Variants in DNAH11 observed in about 807,000 individuals in gnomAD.
The protein encoded by DNAH11 is dynein axonemal heavy chain 11.
A neutral mutation model predicts 526.0 loss-of-function variants in DNAH11; 442 were observed. That is an observed-to-expected ratio of 0.84 (90% CI 0.78 to 0.91). The LOEUF (loss-of-function observed/expected upper bound fraction) is 0.91, where lower values mean the gene tolerates loss of function less well. Among genes scored for constraint, DNAH11 ranks in the 40% least tolerant of loss-of-function variants. DNAH11 has a pLI of 0.00. For missense variants in DNAH11, 6,989 were observed against 5,448.7 expected (o/e 1.28, Z -8.90); for synonymous variants, 2,461 against 1,935.9 (o/e 1.27, Z -7.12).
At position 21,725,819 on chromosome 7, in the gene DNAH11, T is replaced by A; in HGVS notation, c.7275T>A (p.Asp2425Glu). 3 of 1,610,762 alleles carry A rather than the reference T, an allele frequency of 1.9e-6. No individual in the cohort carries two copies. Among genetic ancestry groups the A allele is most frequent in the Non-Finnish European group, 2.5e-6 (3 of 1,178,406 alleles). ...TCTTTTGTTCTCCTTAGATTTCTGATTATCAAGCTGACTTCAGTCGGTGGT... is the reference window on the plus strand; with the variant it reads ...TCTTTTGTTCTCCTTAGATTTCTGAATATCAAGCTGACTTCAGTCGGTGGT... ...GGTLLQDQIS[D>E]YQADFSRWWQ... The change falls in exon 45 of 82, where the codon GAT (aspartate) becomes GAA (glutamate). Residue 2425 changes from aspartate to glutamate, a missense_variant. Coordinates refer to ENST00000409508, the MANE Select transcript of DNAH11 (RefSeq NM_001277115.2).
chr7:21,841,363 T>A (rs1203434819), intron 65 of DNAH11, among the ~76,000 whole-genome samples: 5 of 152,164 alleles, frequency 3.3e-5, no homozygotes, highest in African/African-American at 1.2e-4. Context: ...AACTGCAACA[T>A]TTAATGTATG....
intron 44 of DNAH11, among the ~76,000 whole-genome samples, chr7:21,725,332 G>A (rs576931546): frequency 6.6e-6 from 1 of 152,134 alleles, no homozygotes; most frequent in South Asian, 2.1e-4. Flanking sequence ...GTATAGAGTT[G>A]CCAGTTGTTT....
At chr7:21,820,738 G>A (rs1790016858) in intron 65 of DNAH11, among the ~76,000 whole-genome samples, 1 of 152,138 alleles carries the variant, frequency 6.6e-6, no homozygotes, top group Non-Finnish European at 1.5e-5. Context: ...ATACACTCAA[G>A]GGGCCTGTTT....
At chr7:21,642,259 T>G (rs201975090) in intron 28 of DNAH11, among the ~76,000 whole-genome samples, 1 of 151,778 alleles carries the variant, frequency 6.6e-6, no homozygotes, top group East Asian at 1.9e-4. Flanking sequence ...GGTCTATCAT[T>G]AGAAGTGTTT....
chr7:21,810,172 C>T lies in DNAH11; in HGVS notation c.10332+2123C>T, dbSNP rs547580354. Among the ~76,000 whole-genome samples, 8 of 152,234 alleles carry T rather than the reference C, an allele frequency of 5.3e-5. No individual in the cohort carries two copies. In the South Asian group the frequency reaches 1.7e-3, roughly 32 times the overall value. On this transcript the variant is annotated intron_variant, in intron 63 of 81. Coordinates refer to ENST00000409508, the MANE Select transcript of DNAH11 (RefSeq NM_001277115.2). ...TACCCTAAATTTGAAAATTCAAACC[C>T]ATAAGCAAAGTGAAGTAATAGATTT... is the stretch of plus-strand genomic sequence containing the variant.
intron 20 of DNAH11, among the ~76,000 whole-genome samples, chr7:21,612,161 C>T (rs889052643): frequency 6.6e-6 from 1 of 152,068 alleles, no homozygotes; most frequent in Non-Finnish European, 1.5e-5. Flanking sequence ...AAAACTGTCT[C>T]AGTAAATCTG....
intron 65 of DNAH11, among the ~76,000 whole-genome samples, chr7:21,836,424 A>G (rs566488453): frequency 6.6e-6 from 1 of 152,298 alleles, no homozygotes; most frequent in Admixed American, 6.5e-5. Flanking sequence ...GAAACAGAAT[A>G]AAAATCCCAG....
rs182970727 is a variant in DNAH11 at position 21,626,895 on chromosome 7, C to T, written c.4500+6817C>T. On this transcript the variant is annotated intron_variant, in intron 25 of 81. Coordinates refer to ENST00000409508, the MANE Select transcript of DNAH11 (RefSeq NM_001277115.2). The stretch of plus-strand genomic sequence containing the variant: ...CCTCCCAAGTAGCTGGGACTACAGG[C>T]GCCCGCCACCATGCCTGGCTAATTT... 6.9e-3 allele frequency among the ~76,000 whole-genome samples: 1,046 copies of T among 151,714 alleles called. 5 individuals carry two copies. The highest frequency in any genetic ancestry group is 0.012 in the Non-Finnish European group (816 of 67,876).
chr7:21,740,529 TC>T (rs2128490544), intron 48 of DNAH11, among the ~76,000 whole-genome samples: 1 of 152,354 alleles, frequency 6.6e-6, no homozygotes, highest in South Asian at 2.1e-4. Context: ...CTAGGGTTCA[TC>T]CAGTTACGGC....
At chr7:21,658,757 T>C in intron 29 of DNAH11, 41 bp from the exon 30 acceptor site, 2 of 1,481,556 alleles carry the variant, frequency 1.3e-6, no homozygotes, top group Admixed American at 2.2e-5. Flanking sequence ...TATCCTTCCA[T>C]AGTTAAGCCT....
intron 2 of DNAH11, among the ~76,000 whole-genome samples, chr7:21,553,981 C>A (rs1363699466): frequency 6.6e-6 from 1 of 152,028 alleles, no homozygotes; most frequent in Non-Finnish European, 1.5e-5. Flanking sequence ...CTACTGGGTC[C>A]TCTGGATCTA....
intron 25 of DNAH11, among the ~76,000 whole-genome samples, chr7:21,630,386 T>C (rs1253674376): frequency 6.6e-6 from 1 of 152,262 alleles, no homozygotes; most frequent in Non-Finnish European, 1.5e-5. Context: ...TCTGTGTTTG[T>C]TCACATATTT....
intron 2 of DNAH11, among the ~76,000 whole-genome samples, chr7:21,545,883 C>G (rs981574246): frequency 3.3e-5 from 5 of 152,198 alleles, no homozygotes; most frequent in Admixed American, 1.3e-4. Flanking sequence ...ACCTGGCTCT[C>G]AAACTTCGCT....
intron 29 of DNAH11, among the ~76,000 whole-genome samples, chr7:21,656,208 C>G (rs942224751): frequency 7.2e-5 from 11 of 152,110 alleles, no homozygotes; most frequent in African/African-American, 2.7e-4. Context: ...CTCAGAGACG[C>G]TAGGAATTGA....
At chr7:21,785,137 C>T (rs1407338766) in intron 58 of DNAH11, among the ~76,000 whole-genome samples, 3 of 152,136 alleles carry the variant, frequency 2.0e-5, no homozygotes, top group African/African-American at 7.2e-5. Context: ...CTAATCTCAT[C>T]CTGGGGTCTT....
chr7:21,563,425 T>A (rs1419693527), intron 5 of DNAH11, among the ~76,000 whole-genome samples: 2 of 152,112 alleles, frequency 1.3e-5, no homozygotes, highest in African/African-American at 2.4e-5. Flanking sequence ...CCCAGGCTGG[T>A]TTCGAATTCC....
chr7:21,702,518 G>T lies in DNAH11; in HGVS notation c.6181-192G>T, dbSNP rs1051944251. Among the ~76,000 whole-genome samples, 107 of 152,086 alleles carry T rather than the reference G, an allele frequency of 7.0e-4. 1 individual carries two copies. The highest frequency in any genetic ancestry group is 2.5e-3 in the African/African-American group (104 of 41,500). On this transcript the variant is annotated intron_variant, in intron 36 of 81. Transcript: ENST00000409508. ...TGCTGACAGAGGCAAAAAAAAAAAG[G>T]TGAAAGAAACAGGACGACACTACAG...
chr7:21,812,805 G>T (rs540602124), intron 63 of DNAH11, among the ~76,000 whole-genome samples: 1 of 152,276 alleles, frequency 6.6e-6, no homozygotes, highest in South Asian at 2.1e-4. Flanking sequence ...CTTTTGAAAT[G>T]CATTGATGCC....
chr7:21,625,039 T>C (rs182574891), intron 25 of DNAH11, among the ~76,000 whole-genome samples: 1 of 152,094 alleles, frequency 6.6e-6, no homozygotes, highest in East Asian at 1.9e-4. Context: ...ATCAGAATAA[T>C]CATGGCCTCA....
Sources: allele counts gnomAD v4.1 joint callset (sites outside exome capture counted in the v4.1 genomes callset), GRCh38; gene constraint gnomAD v4.1.1; transcripts MANE v1.5; gene names NCBI Gene and HGNC (gene_info 2026-07-23, HGNC 2026-07-21).